Variants in GAB4 observed in about 807,000 individuals in gnomAD.
GAB4 encodes the protein GRB2-associated-binding protein 4.
A neutral mutation model predicts 51.3 loss-of-function variants in GAB4; 26 were observed. The observed-to-expected ratio is 0.51, with a 90% confidence interval of 0.37 to 0.70. GAB4 has a LOEUF of 0.70. GAB4 is among the 30% of genes least tolerant of loss of function. The pLI, the probability that GAB4 is intolerant of heterozygous loss-of-function variation, is 0.00. For synonymous variants in GAB4, 329 were observed against 291.2 expected (o/e 1.13, Z -1.32); for missense variants, 759 against 734.6 (o/e 1.03, Z -0.38).
At chr22:16,995,677 G>A (rs2060944599) in intron 1 of GAB4, among the ~76,000 whole-genome samples, 1 of 152,202 alleles carries the variant, frequency 6.6e-6, no homozygotes, top group Non-Finnish European at 1.5e-5. Flanking sequence ...AACAGTGTCT[G>A]GAGTGGACTT....
At chr22:16,969,536 C>T (rs1220423892) in intron 4 of GAB4, 1 of 490,724 alleles carries the variant, frequency 2.0e-6, no homozygotes. Context: ...CCATGGGAGA[C>T]CAAGGACTAG....
At position 16,988,159 on chromosome 22, in the gene GAB4, C is replaced by T. The variant is rs28502153; in HGVS notation, c.487G>A (p.Gly163Arg). ...FRQEESTGFLGNISSASHGLC... is the reference protein window; with the variant it reads ...FRQEESTGFLRNISSASHGLC... ...CCGTGACTGGCTGAGGAAATGTTTC[C>T]CAGGAAGCCTGTGAATGAAACAGGA... Residue 163 changes from glycine to arginine, a missense_variant, in exon 3 of 10, where the codon GGA becomes AGA. Physicochemically the swap from Gly to Arg is moderately radical, Grantham distance 125. Transcript: ENST00000400588. The T allele has an allele frequency of 1.2e-6, 2 of 1,611,216 alleles. No homozygotes were observed. Among genetic ancestry groups the T allele is most frequent in the Non-Finnish European group, 1.7e-6 (2 of 1,178,186 alleles).
intron 3 of GAB4, among the ~76,000 whole-genome samples, chr22:16,982,776 A>G (rs2060837016): frequency 6.6e-6 from 1 of 152,202 alleles, no homozygotes; most frequent in African/African-American, 2.4e-5. Context: ...TGTTGGGAAA[A>G]AAGCTGAGGC....
chr22:16,972,169 G>A (rs180772275), intron 3 of GAB4, among the ~76,000 whole-genome samples: 7 of 152,340 alleles, frequency 4.6e-5, no homozygotes, highest in East Asian at 1.9e-4. Context: ...GGACACAGAC[G>A]CCACCTGCCC....
chr22:16,996,679 T>C (rs1335338906), intron 1 of GAB4, among the ~76,000 whole-genome samples: 1 of 152,194 alleles, frequency 6.6e-6, no homozygotes, highest in East Asian at 1.9e-4. Context: ...ATTATTATTA[T>C]ACTTTAAGTT....
intron 1 of GAB4, among the ~76,000 whole-genome samples, chr22:17,002,917 A>T (rs2061009610): frequency 1.3e-5 from 2 of 152,106 alleles, no homozygotes; most frequent in African/African-American, 4.8e-5. Flanking sequence ...ATGCATCAGT[A>T]TGCTGTATTC....
intron 1 of GAB4, among the ~76,000 whole-genome samples, chr22:17,002,654 GA>G (rs1569113051): frequency 6.6e-6 from 1 of 152,036 alleles, no homozygotes; most frequent in South Asian, 2.1e-4. Context: ...ACAGGAAGGG[GA>G]ACATCACACA....
intron 2 of GAB4, among the ~76,000 whole-genome samples, chr22:16,991,027 T>C (rs563604337): frequency 9.1e-4 from 139 of 152,248 alleles, no homozygotes; most frequent in African/African-American, 3.2e-3. Flanking sequence ...AAATAGAGAC[T>C]ATCTGTGGCC....
rs16981911 is a variant in GAB4, at chr22:16,969,648, G to A, written c.937+295C>T. 5,967 of 644,370 alleles carry A rather than the reference G, an allele frequency of 9.3e-3. 284 individuals carry two copies. In the African/African-American group the frequency reaches 0.095, roughly 10 times the overall value. 39.9% of individuals were successfully genotyped at this position (644,370 alleles called of 1,614,324 possible). On this transcript the variant is annotated intron_variant, in intron 4 of 9. Coordinates refer to ENST00000400588, the MANE Select transcript of GAB4 (RefSeq NM_001037814.1). ...TCGGCTGTTGTCTACTGCAGGAAGG[G>A]TATTCCGCCTGGGGATGGCAGCAGC...
In GAB4 at chr22:16,963,790, T is replaced by G. The variant is rs761719842; in HGVS notation, c.1516A>C (p.Ser506Arg). Residue 506 changes from serine to arginine, a missense_variant, in exon 9 of 10, where the codon AGT becomes CGT. By Grantham distance (110) the Ser-to-Arg change is moderately radical (BLOSUM62 -1). Coordinates refer to ENST00000400588, the MANE Select transcript of GAB4 (RefSeq NM_001037814.1). ...SAFPVSGGTS[S>R]SAPPRSTGNI... The stretch of plus-strand genomic sequence containing the variant: ...CCAGTGCTCCTCGGCGGGGCTGAAC[T>G]GCTGGTGCCACCGGAAACAGGAAAT... 10 of 1,613,962 alleles carry G rather than the reference T, an allele frequency of 6.2e-6. No homozygotes were observed. The highest frequency in any genetic ancestry group is 1.7e-4 in the Middle Eastern group (1 of 6,012).
chr22:16,999,577 T>C (rs1167401254), intron 1 of GAB4, among the ~76,000 whole-genome samples: 2 of 152,210 alleles, frequency 1.3e-5, no homozygotes, highest in South Asian at 2.1e-4. Flanking sequence ...TCTGTTGATC[T>C]TTTCAAAAAA....
At chr22:16,972,971 GT>G (rs1283162604) in intron 3 of GAB4, among the ~76,000 whole-genome samples, 1 of 152,052 alleles carries the variant, frequency 6.6e-6, no homozygotes, top group East Asian at 1.9e-4. Context: ...CAAACCAGAC[GT>G]CACTGTGTCC....
At chr22:16,977,096 G>A (rs1052993177) in intron 3 of GAB4, among the ~76,000 whole-genome samples, 1 of 152,160 alleles carries the variant, frequency 6.6e-6, no homozygotes, top group African/African-American at 2.4e-5. Flanking sequence ...ATCAATGCTA[G>A]GAAGAAACTG....
chr22:16,979,245 T>G (rs1470890278), intron 3 of GAB4, among the ~76,000 whole-genome samples: 1 of 152,226 alleles, frequency 6.6e-6, no homozygotes, highest in Non-Finnish European at 1.5e-5. Context: ...AAGTTGTCTC[T>G]GTTTGCAGAT....
intron 3 of GAB4, among the ~76,000 whole-genome samples, chr22:16,972,987 C>T (rs1487120262): frequency 2.0e-5 from 3 of 152,222 alleles, no homozygotes; most frequent in Non-Finnish European, 4.4e-5. Context: ...GTGTCCCCAG[C>T]GTGCTCCTCT....
intron 1 of GAB4, among the ~76,000 whole-genome samples, chr22:17,003,762 T>C (rs2061017040): frequency 6.6e-6 from 1 of 151,836 alleles, no homozygotes; most frequent in South Asian, 2.1e-4. Context: ...ACATCAAAAT[T>C]AAAAGAACTA....
chr22:17,002,111 C>T (rs111855684), intron 1 of GAB4, among the ~76,000 whole-genome samples: 8 of 152,230 alleles, frequency 5.3e-5, no homozygotes, highest in South Asian at 4.2e-4. Flanking sequence ...TTGTGCTTCC[C>T]GGGTGAGGCA....
At chr22:16,975,050 G>C (rs1465615010) in intron 3 of GAB4, among the ~76,000 whole-genome samples, 1 of 152,156 alleles carries the variant, frequency 6.6e-6, no homozygotes, top group Non-Finnish European at 1.5e-5. Context: ...ACACCACCAG[G>C]GCCCTGGGTT....
intron 3 of GAB4, among the ~76,000 whole-genome samples, chr22:16,987,115 T>C (rs1257885891): frequency 2.6e-5 from 4 of 152,264 alleles, no homozygotes; most frequent in Admixed American, 6.5e-5. Context: ...ACAGATGTCA[T>C]GAAGTCATCT....
Sources: gnomAD v4.1 joint callset for allele counts (sites outside exome capture counted in the v4.1 genomes callset) on GRCh38, gnomAD v4.1.1 for gene constraint, MANE v1.5 for transcripts, NCBI Gene and HGNC (gene_info 2026-07-23, HGNC 2026-07-21) for gene names.